The following TGM6 variants were observed in gnomAD, a reference collection of about 807,000 sequenced individuals.
TGM6 encodes the protein transglutaminase 6, also known as protein-glutamine gamma-glutamyltransferase 6.
Under a neutral mutation model 77.5 loss-of-function variants are expected in TGM6, and 74 were observed. The observed-to-expected ratio is 0.96, with a 90% CI of 0.79 to 1.16. The LOEUF (loss-of-function observed/expected upper bound fraction) is 1.16, where lower values mean the gene tolerates loss of function less well. TGM6 is among the 50% of genes most tolerant of loss of function. TGM6 has a pLI of 0.00. For synonymous variants in TGM6, 383 were observed against 378.9 expected, an observed-to-expected ratio of 1.01 and a Z score of -0.12; for missense variants, 968 against 940.2, an observed-to-expected ratio of 1.03 and a Z score of -0.39.
At chr20:2,418,871 T>C (rs916586889) in intron 10 of TGM6, among the ~76,000 whole-genome samples, 2 of 151,724 alleles carry the variant, frequency 1.3e-5, no homozygotes, top group Non-Finnish European at 2.9e-5. Flanking sequence ...GGTCAGGAGA[T>C]CGAAACCATC....
At chr20:2,425,901 T>C (rs1279757123) in intron 10 of TGM6, among the ~76,000 whole-genome samples, 1 of 152,216 alleles carries the variant, frequency 6.6e-6, no homozygotes, top group East Asian at 1.9e-4. Flanking sequence ...AAAGGTACCA[T>C]AAATCATTAT....
At position 2,417,325 on chromosome 20, in the gene TGM6, G is replaced by A. The variant is rs1238067395; in HGVS notation, c.1430G>A (p.Gly477Glu). The A allele has an allele frequency of 6.2e-7, 1 of 1,613,590 alleles. No individual in the cohort carries two copies. The highest frequency in any genetic ancestry group is 8.5e-7 in the Non-Finnish European group (1 of 1,179,860). The change falls in exon 10 of 13, where the codon GGG (glycine) becomes GAG (glutamate). Residue 477 changes from glycine to glutamate, a missense_variant. Coordinates refer to ENST00000202625, the MANE Select transcript of TGM6 (RefSeq NM_198994.3). Reference protein sequence around the residue: ...SGRRIWIRRAGGRCLWRDDLL... With the variant: ...SGRRIWIRRAEGRCLWRDDLL... Reference sequence around the variant, plus strand: ...AGGAGAATCTGGATCCGCAGGGCTGGGGGTCGCTGTCTCTGGCGTGACGAC... The same window carrying A: ...AGGAGAATCTGGATCCGCAGGGCTGAGGGTCGCTGTCTCTGGCGTGACGAC...
At chr20:2,404,576 GC>G (rs1370513348) in intron 9 of TGM6, among the ~76,000 whole-genome samples, 1 of 151,812 alleles carries the variant, frequency 6.6e-6, no homozygotes, top group Non-Finnish European at 1.5e-5. Context: ...GACACAATCT[GC>G]TCTGAACACC....
rs1568673568 is a variant in TGM6, at chr20:2,430,894, GTTC to G, written c.1836_1838del (p.Leu613del). On this transcript the variant is annotated inframe_deletion and splice_region_variant, in exon 12 of 13. Coordinates refer to ENST00000202625, the MANE Select transcript of TGM6 (RefSeq NM_198994.3). ...GGCTCATGGGTGTTGTCCCCTTCAG[GTTC>G]TGGGCCCAGCCATGGTGGGAGTGGC... 1.2e-6 allele frequency: 2 copies of G among 1,614,156 alleles called. No individual in the cohort carries two copies. Among genetic ancestry groups the G allele is most frequent in the African/African-American group, 2.7e-5 (2 of 75,012 alleles).
At chr20:2,408,782 G>A (rs2084767715) in intron 9 of TGM6, among the ~76,000 whole-genome samples, 1 of 152,180 alleles carries the variant, frequency 6.6e-6, no homozygotes, top group Admixed American at 6.5e-5. Context: ...CAGGCAACCA[G>A]TGAACAAAAT....
chr20:2,419,144 CATCT>C (rs2084839343), intron 10 of TGM6, among the ~76,000 whole-genome samples: 1 of 152,172 alleles, frequency 6.6e-6, no homozygotes, highest in African/African-American at 2.4e-5. Context: ...TCTCCCTCTC[CATCT>C]GTCTCTCCTT....
At chr20:2,429,286 A>G (rs753693240) in intron 10 of TGM6, among the ~76,000 whole-genome samples, 8 of 152,190 alleles carry the variant, frequency 5.3e-5, no homozygotes, top group Non-Finnish European at 8.8e-5. Context: ...AGCAGAGCGC[A>G]TGAGCCAAGT....
At chr20:2,430,143 C>T (rs915842417) in intron 10 of TGM6, among the ~76,000 whole-genome samples, 1 of 151,948 alleles carries the variant, frequency 6.6e-6, no homozygotes, top group African/African-American at 2.4e-5. Context: ...GTAGGGAAAG[C>T]TTGGAAACAT....
chr20:2,421,585 T>C (rs1425208299), intron 10 of TGM6, among the ~76,000 whole-genome samples: 1 of 152,248 alleles, frequency 6.6e-6, no homozygotes, highest in African/African-American at 2.4e-5. Flanking sequence ...ATCTCTTCTT[T>C]GGTGAGGTGT....
rs377351732 is a variant in TGM6 at position 2,417,406 on chromosome 20, C to G, written c.1511C>G (p.Pro504Arg). 6.2e-7 allele frequency: 1 copy of G among 1,613,434 alleles called. No homozygotes were observed. The highest frequency in any genetic ancestry group is 8.5e-7 in the Non-Finnish European group (1 of 1,180,050). The change falls in exon 10 of 13, where the codon CCT becomes CGT. Residue 504 changes from proline (P) to arginine (R), a missense_variant. By Grantham distance (103) the Pro-to-Arg change is moderately radical (BLOSUM62 -2). Coordinates refer to ENST00000202625, the MANE Select transcript of TGM6 (RefSeq NM_198994.3). ...SIAGKFKVLE[P>R]PMLGHDLRLA... ...GCTGGCAAGTTCAAGGTGCTAGAGC[C>G]TCCCATGCTGGGCCACGACCTGAGA...
chr20:2,396,391 C>G (rs1324248478), intron 3 of TGM6, 115 bp from the exon 4 acceptor site: 1 of 1,028,168 alleles, frequency 9.7e-7, no homozygotes, highest in East Asian at 2.4e-5. Context: ...CTTGACCTCT[C>G]CTGCCCCAGT....
intron 6 of TGM6, 25 bp downstream of exon 6, chr20:2,399,763 G>C (rs745328404): frequency 9.4e-6 from 15 of 1,600,238 alleles, no homozygotes; most frequent in Admixed American, 1.7e-5. Context: ...AAGGGCCCCA[G>C]GGTACCTGTG....
At chr20:2,381,532 T>G (rs2084554876) in intron 1 of TGM6, among the ~76,000 whole-genome samples, 1 of 152,162 alleles carries the variant, frequency 6.6e-6, no homozygotes, top group Admixed American at 6.6e-5. Context: ...ATAATGCAAA[T>G]TATCTCACAG....
chr20:2,394,314 C>G (rs566942783), intron 1 of TGM6, 138 bp from the exon 2 acceptor site: 4 of 1,055,268 alleles, frequency 3.8e-6, no homozygotes, highest in Non-Finnish European at 5.6e-6. Flanking sequence ...AACAAACAAA[C>G]AAACAGAGAA....
chr20:2,426,435 A>G lies in TGM6; in HGVS notation c.1679-4011A>G, dbSNP rs910537405. Among the ~76,000 whole-genome samples the G allele has an allele frequency of 2.0e-5, 3 of 152,314 alleles. No homozygotes were observed. The East Asian group carries it at 5.8e-4, about 29-fold the overall frequency. On this transcript the variant is annotated intron_variant, in intron 10 of 12. Transcript: ENST00000202625. ...TGTTGACAATTCTTTTGGATTTTCT[A>G]CATAAACAATTATATCATTTGTGAA...
chr20:2,431,175 C>G, intron 12 of TGM6, 148 bp downstream of exon 12: 1 of 917,402 alleles, frequency 1.1e-6, no homozygotes, highest in African/African-American at 1.7e-5. Context: ...CCTTCATTCA[C>G]TTATTTATTC....
chr20:2,430,433 C>T lies in TGM6; in HGVS notation c.1679-13C>T. On this transcript the variant is annotated splice_polypyrimidine_tract_variant and intron_variant, in intron 10 of 12. Transcript: ENST00000202625. ...CATCAAGCCCCAACTCCCACTTCTG[C>T]TTTCCCTTCCAGAGAAGAGAATCCC... The T allele has an allele frequency of 6.2e-7, 1 of 1,614,162 alleles. No homozygotes were observed. Among genetic ancestry groups the T allele is most frequent in the Non-Finnish European group, 8.5e-7 (1 of 1,180,014 alleles).
chr20:2,405,509 A>C (rs1247471241), intron 9 of TGM6, among the ~76,000 whole-genome samples: 1 of 152,218 alleles, frequency 6.6e-6, no homozygotes, highest in Non-Finnish European at 1.5e-5. Context: ...CAAAGAGGAC[A>C]GAAGAGAGCA....
rs767017450 is a variant in TGM6 at position 2,396,549 on chromosome 20, C to T, written c.468C>T (p.Tyr156=). ...CCTCAGAGGAGGAGAGACAGGAGTACGTGCTCAGCGACAGCGGCATCATCT... is the reference window on the plus strand; with the variant it reads ...CCTCAGAGGAGGAGAGACAGGAGTATGTGCTCAGCGACAGCGGCATCATCT... ...FLASEEERQE[Y]VLSDSGIIFR... is the part of the protein sequence containing the mutation. The change falls in exon 4 of 13, where the codon TAC becomes TAT. Residue 156 remains tyrosine, a synonymous_variant. Transcript: ENST00000202625. The T allele has an allele frequency of 2.0e-5, 32 of 1,614,166 alleles. No homozygotes were observed. Among genetic ancestry groups the T allele is most frequent in the Admixed American group, 3.3e-5 (2 of 60,024 alleles).
Sources: gnomAD v4.1 joint callset for allele counts (sites outside exome capture counted in the v4.1 genomes callset) on GRCh38, gnomAD v4.1.1 for gene constraint, MANE v1.5 for transcripts, NCBI Gene and HGNC (gene_info 2026-07-23, HGNC 2026-07-21) for gene names.